Variants in CHLSN observed in about 807,000 individuals in gnomAD.
CHLSN encodes cholesin, also known as protein cholesin.
At chr7:1,086,266 A>G in the CHLSN span, among the ~76,000 whole-genome samples, 841 of 152,316 alleles carry the variant, frequency 5.5e-3, 8 homozygotes, top group African/African-American at 0.019. Flanking sequence ...CAGCTATTTC[A>G]AGGTTTGAAT....
At chr7:1,070,984 GGGCACACA>G in the CHLSN span, among the ~76,000 whole-genome samples, 18 of 147,824 alleles carry the variant, frequency 1.2e-4, no homozygotes, top group African/African-American at 2.5e-4. Context: ...ACATGCACAC[GGGCACACA>G]CACACGTGCA....
the CHLSN span, chr7:1,091,309 A>G: frequency 6.0e-6 from 1 of 165,446 alleles, no homozygotes. Flanking sequence ...TGCTCCTGAC[A>G]CACCCAGACT....
At chr7:1,045,982 C>G in the CHLSN span, among the ~76,000 whole-genome samples, 1 of 152,222 alleles carries the variant, frequency 6.6e-6, no homozygotes, top group Non-Finnish European at 1.5e-5. Context: ...CTTGGAGTCC[C>G]TGCAACTCAT....
At chr7:1,109,944 C>A in the CHLSN span, among the ~76,000 whole-genome samples, 1 of 152,150 alleles carries the variant, frequency 6.6e-6, no homozygotes, top group Non-Finnish European at 1.5e-5. Flanking sequence ...AATGCCAGTG[C>A]GAGCGCAGCC....
the CHLSN span, among the ~76,000 whole-genome samples, chr7:1,111,351 T>C: frequency 6.6e-6 from 1 of 152,252 alleles, no homozygotes; most frequent in Non-Finnish European, 1.5e-5. Context: ...CCAGGCCTCA[T>C]ATAACCATCT....
the CHLSN span, among the ~76,000 whole-genome samples, chr7:1,027,917 G>T: frequency 5.3e-5 from 8 of 152,212 alleles, no homozygotes; most frequent in Non-Finnish European, 1.0e-4. Flanking sequence ...CAGCGCAGGG[G>T]AGCCTGGCCG....
chr7:1,023,624 A>AACACACACACACACACACACAC, the CHLSN span, among the ~76,000 whole-genome samples: 76 of 122,378 alleles, frequency 6.2e-4, no homozygotes, highest in East Asian at 2.4e-3. This position sits in a 1 kb window ranked among gnomAD's most constrained non-coding sequence, Gnocchi z 5.0. Context: ...CCTCCCAGGA[A>AACACACACACACACACACACAC]ACACACACAC....
At chr7:1,134,002 G>A in the CHLSN span, among the ~76,000 whole-genome samples, 2 of 151,960 alleles carry the variant, frequency 1.3e-5, no homozygotes, top group Non-Finnish European at 2.9e-5. Flanking sequence ...ATGGGGTTTC[G>A]CCATGTTTCC....
chr7:1,130,908 C>G, the CHLSN span, among the ~76,000 whole-genome samples: 1 of 152,214 alleles, frequency 6.6e-6, no homozygotes. Context: ...GTAAAACAGT[C>G]CAGGCATAGT....
chr7:1,066,641 G>A, the CHLSN span, among the ~76,000 whole-genome samples: 2 of 152,234 alleles, frequency 1.3e-5, no homozygotes, highest in African/African-American at 4.8e-5. Flanking sequence ...GATGCCCAGA[G>A]GCTCCCAGAC....
chr7:1,015,672 G>C, the CHLSN span, among the ~76,000 whole-genome samples: 1 of 152,222 alleles, frequency 6.6e-6, no homozygotes, highest in Non-Finnish European at 1.5e-5. Flanking sequence ...CAGAGGGTTG[G>C]TGGGCGGGGC....
At chr7:982,463 G>A in the CHLSN span, among the ~76,000 whole-genome samples, 129 of 152,348 alleles carry the variant, frequency 8.5e-4, 1 homozygote, top group South Asian at 2.7e-3. Context: ...CCCTCACAGC[G>A]GTTTAGGAGA....
the CHLSN span, among the ~76,000 whole-genome samples, chr7:1,104,496 G>T: frequency 1.6e-4 from 25 of 152,194 alleles, no homozygotes; most frequent in African/African-American, 6.0e-4. Flanking sequence ...CCTGACGCCC[G>T]CATGTCAGTA....
the CHLSN span, chr7:1,043,590 G>A: frequency 1.3e-5 from 2 of 152,288 alleles, no homozygotes; most frequent in African/African-American, 4.8e-5. Context: ...CATCCACTGT[G>A]CCAGGGACCT....
At chr7:1,106,398 T>G in the CHLSN span, among the ~76,000 whole-genome samples, 3 of 151,594 alleles carry the variant, frequency 2.0e-5, no homozygotes, top group African/African-American at 7.3e-5. Context: ...GGGTGCCGTG[T>G]GGGGGAGAGG....
At chr7:998,875 G>A in the CHLSN span, among the ~76,000 whole-genome samples, 9,995 of 152,240 alleles carry the variant, frequency 0.066, 911 homozygotes, top group African/African-American at 0.21. Flanking sequence ...TTTCATCTAA[G>A]AGTTTTGGTT....
the CHLSN span, among the ~76,000 whole-genome samples, chr7:1,099,572 TG>T: frequency 6.6e-6 from 1 of 152,184 alleles, no homozygotes; most frequent in South Asian, 2.1e-4. Flanking sequence ...TTACCTGGAG[TG>T]TCTTTGGATG....
At chr7:1,133,243 T>C in the CHLSN span, among the ~76,000 whole-genome samples, 3 of 151,982 alleles carry the variant, frequency 2.0e-5, no homozygotes, top group African/African-American at 4.8e-5. Flanking sequence ...CAAATTATAC[T>C]GACAGAAAGG....
the CHLSN span, among the ~76,000 whole-genome samples, chr7:1,120,953 C>A: frequency 6.6e-6 from 1 of 152,000 alleles, no homozygotes; most frequent in South Asian, 2.1e-4. Context: ...GGACATGGGG[C>A]AGCGCGGCTG....
Sources: gnomAD v4.1 joint callset for allele counts (sites outside exome capture counted in the v4.1 genomes callset) on GRCh38, gnomAD v4.1.1 for gene constraint, Gnocchi (gnomAD v3.1) non-coding constraint, MANE v1.5 for transcripts, NCBI Gene and HGNC (gene_info 2026-07-23, HGNC 2026-07-21) for gene names.